Variants in TCERG1 observed in about 807,000 individuals in gnomAD.
TCERG1 encodes the protein TATA box binding protein (TBP)-associated factor, RNA polymerase II, S, 150kD.
In TCERG1, 37 loss-of-function variants were observed where a neutral mutation model predicts 144.7. The ratio of observed to expected loss-of-function variants is 0.26; its 90% CI spans 0.20 to 0.34. TCERG1 has a LOEUF of 0.34. Among genes scored for constraint, TCERG1 ranks in the 10% least tolerant of loss-of-function variants. TCERG1 has a pLI of 1.00. For synonymous variants in TCERG1, 492 were observed against 458.2 expected, an observed-to-expected ratio of 1.07 and a Z score of -0.94; for missense variants, 1,027 against 1,380.7, an observed-to-expected ratio of 0.74 and a Z score of 4.06.
intron 15 of TCERG1, among the ~76,000 whole-genome samples, chr5:146,484,628 G>A (rs2150581926): frequency 6.6e-6 from 1 of 152,220 alleles, no homozygotes; most frequent in African/African-American, 2.4e-5. Context: ...TAATGTATTT[G>A]CATCTTCATT....
chr5:146,498,005 C>G (rs2033471), intron 16 of TCERG1, among the ~76,000 whole-genome samples: 8,217 of 152,234 alleles, frequency 0.054, 288 homozygotes, highest in Middle Eastern at 0.11. Context: ...TCTTTGCTTC[C>G]TCCAGTTCAT....
chr5:146,480,019 G>A lies in TCERG1; in HGVS notation c.1820-9G>A. ...TTCCTAAATATTTTAATTAAATTTT[G>A]TCTTATAGTTAAAGAGGAACAAGAA... On this transcript the variant is annotated splice_polypyrimidine_tract_variant and intron_variant, in intron 11 of 22. Coordinates refer to ENST00000679501, the MANE Select transcript of TCERG1 (RefSeq NM_001382548.1). The A allele has an allele frequency of 6.3e-7, 1 of 1,595,544 alleles. No individual in the cohort carries two copies. The highest frequency in any genetic ancestry group is 8.5e-7 in the Non-Finnish European group (1 of 1,170,832).
chr5:146,484,835 C>T (rs1369541372), intron 15 of TCERG1, among the ~76,000 whole-genome samples: 1 of 152,124 alleles, frequency 6.6e-6, no homozygotes, highest in Non-Finnish European at 1.5e-5. Flanking sequence ...TCATTTCCCC[C>T]ATTAACACCC....
chr5:146,447,477 A>T, intron 1 of TCERG1, 69 bp downstream of exon 1: 4 of 1,554,700 alleles, frequency 2.6e-6, no homozygotes, highest in Non-Finnish European at 3.5e-6. Flanking sequence ...TAGACCTGCC[A>T]TGTGGAGATC....
At chr5:146,509,299 C>A in intron 22 of TCERG1, 54 bp downstream of exon 22, 1 of 1,189,834 alleles carries the variant, frequency 8.4e-7, no homozygotes, top group Non-Finnish European at 1.2e-6. Context: ...CTAGTCTTTA[C>A]TCTAATGGTC....
intron 4 of TCERG1, 98 bp downstream of exon 4, chr5:146,459,435 C>T: frequency 6.7e-7 from 1 of 1,498,684 alleles, no homozygotes. Context: ...TGGTATTATC[C>T]TTTAATACCA....
chr5:146,474,497 G>A (rs1373210636), intron 9 of TCERG1, among the ~76,000 whole-genome samples: 4 of 152,210 alleles, frequency 2.6e-5, no homozygotes, highest in Non-Finnish European at 4.4e-5. Context: ...TAAAGCAGCA[G>A]CAGGGCTTCC....
intron 5 of TCERG1, among the ~76,000 whole-genome samples, chr5:146,465,521 A>T (rs1313849048): frequency 3.3e-5 from 5 of 152,124 alleles, no homozygotes. Flanking sequence ...ACATATTTTG[A>T]TGTCATATGG....
At chr5:146,474,769 G>A (rs1322324617) in intron 9 of TCERG1, among the ~76,000 whole-genome samples, 2 of 152,122 alleles carry the variant, frequency 1.3e-5, no homozygotes, top group African/African-American at 4.8e-5. Context: ...TCAGATGATA[G>A]CATTTTTTTA....
chr5:146,455,356 T>C (rs1332381026), intron 2 of TCERG1, 75 bp downstream of exon 2: 38 of 1,502,166 alleles, frequency 2.5e-5, no homozygotes, highest in Non-Finnish European at 3.5e-5. Flanking sequence ...AGTTAAAAAC[T>C]TACATTCTTA....
chr5:146,474,350 A>G (rs974115358), intron 9 of TCERG1, among the ~76,000 whole-genome samples: 2 of 152,208 alleles, frequency 1.3e-5, no homozygotes, highest in African/African-American at 4.8e-5. Context: ...ATTTTATGAG[A>G]AAACTGTAAT....
At chr5:146,498,464 G>C (rs1478347013) in intron 16 of TCERG1, 72 bp from the exon 17 acceptor site, 1 of 1,468,056 alleles carries the variant, frequency 6.8e-7, no homozygotes, top group Non-Finnish European at 9.1e-7. Flanking sequence ...TTGGAAAAAT[G>C]GTATCTTCTG....
At chr5:146,501,852 C>T (rs1767478129) in intron 17 of TCERG1, among the ~76,000 whole-genome samples, 2 of 147,092 alleles carry the variant, frequency 1.4e-5, no homozygotes, top group Admixed American at 6.8e-5. Context: ...TTCTTATAAC[C>T]TTAAAAGTAT....
At chr5:146,485,169 C>T (rs1561679479) in intron 15 of TCERG1, among the ~76,000 whole-genome samples, 1 of 152,122 alleles carries the variant, frequency 6.6e-6, no homozygotes, top group Admixed American at 6.5e-5. Flanking sequence ...TTGAACAAGC[C>T]AGTCATTCTG....
chr5:146,496,681 T>G (rs1252315790), intron 16 of TCERG1, among the ~76,000 whole-genome samples: 1 of 152,100 alleles, frequency 6.6e-6, no homozygotes, highest in Admixed American at 6.5e-5. Context: ...CAGTTTTGTT[T>G]AGTTATTTTT....
Position 146,495,605 on chromosome 5 carries a change from A to G in TCERG1, c.2282+2567A>G, listed in dbSNP as rs146554942. Among the ~76,000 whole-genome samples the G allele has an allele frequency of 5.0e-3, 759 of 152,358 alleles. 6 individuals carry two copies. The highest frequency in any genetic ancestry group is 0.018 in the African/African-American group (732 of 41,594). On this transcript the variant is annotated intron_variant, in intron 16 of 22. Coordinates refer to ENST00000679501, the MANE Select transcript of TCERG1 (RefSeq NM_001382548.1). ...TGCATACAAAAGATTATTAGAATCT[A>G]GCCTTGGCCAGCAAAGCTTAAAAAT...
chr5:146,468,478 A>T, intron 6 of TCERG1, 75 bp downstream of exon 6: 1 of 1,437,300 alleles, frequency 7.0e-7, no homozygotes, highest in African/African-American at 1.4e-5. Flanking sequence ...TTATCCTTTT[A>T]TTTATTTTTT....
chr5:146,508,800 C>A (rs1768218153), intron 21 of TCERG1, among the ~76,000 whole-genome samples: 1 of 152,040 alleles, frequency 6.6e-6, no homozygotes, highest in African/African-American at 2.4e-5. Flanking sequence ...ACACTTAATC[C>A]TTAATATCCT....
intron 1 of TCERG1, among the ~76,000 whole-genome samples, chr5:146,447,822 T>G (rs1413790214): frequency 6.6e-6 from 1 of 152,248 alleles, no homozygotes; most frequent in Non-Finnish European, 1.5e-5. Context: ...TTACTTTCCC[T>G]GTACCCCTCG....
Sources: allele counts gnomAD v4.1 joint callset (sites outside exome capture counted in the v4.1 genomes callset), GRCh38; gene constraint gnomAD v4.1.1; transcripts MANE v1.5; gene names NCBI Gene and HGNC (gene_info 2026-07-23, HGNC 2026-07-21).